Variants in ARIH1 observed in about 807,000 individuals in gnomAD.
ARIH1 encodes ariadne RBR E3 ubiquitin protein ligase 1, also known as E3 ubiquitin-protein ligase ARIH1.
A neutral mutation model predicts 85.0 loss-of-function variants in ARIH1; 8 were observed. The ratio of observed to expected loss-of-function variants is 0.09; its 90% CI spans 0.06 to 0.17. ARIH1 has a LOEUF of 0.17. Ranked by LOEUF, ARIH1 falls within the 10% of genes least tolerant of loss-of-function variation. The pLI, the probability that ARIH1 is intolerant of heterozygous loss-of-function variation, is 1.00. For missense variants in ARIH1, 311 were observed against 718.1 expected, an observed-to-expected ratio of 0.43 and a Z score of 6.48; for synonymous variants, 238 against 253.6, an observed-to-expected ratio of 0.94 and a Z score of 0.59.
intron 5 of ARIH1, among the ~76,000 whole-genome samples, chr15:72,559,944 C>A (rs1214945105): frequency 6.6e-6 from 1 of 152,138 alleles, no homozygotes; most frequent in South Asian, 2.1e-4. Context: ...AACATATGAA[C>A]ATTTGTGTAC....
intron 1 of ARIH1, among the ~76,000 whole-genome samples, chr15:72,475,449 G>C (rs920464474): frequency 6.6e-6 from 1 of 152,234 alleles, no homozygotes; most frequent in African/African-American, 2.4e-5. Flanking sequence ...GAAGGGATTA[G>C]AGTAGGCCTA....
intron 1 of ARIH1, among the ~76,000 whole-genome samples, chr15:72,484,555 A>G (rs769173036): frequency 6.6e-6 from 1 of 152,024 alleles, no homozygotes; most frequent in Non-Finnish European, 1.5e-5. Flanking sequence ...TCTTAGAATA[A>G]TAAGTCTCCA....
intron 8 of ARIH1, 85 bp from the exon 9 acceptor site, chr15:72,567,021 A>T: frequency 1.0e-6 from 1 of 990,346 alleles, no homozygotes; most frequent in Non-Finnish European, 1.5e-6. Flanking sequence ...TTTTACATTT[A>T]AGCTTGACTA....
chr15:72,524,875 T>G (rs1418925326), intron 2 of ARIH1, among the ~76,000 whole-genome samples: 2 of 152,124 alleles, frequency 1.3e-5, no homozygotes, highest in Admixed American at 6.6e-5. Context: ...TCAACGACTC[T>G]TAGTAGGATT....
chr15:72,513,694 TCC>T (rs2063959935), intron 1 of ARIH1, among the ~76,000 whole-genome samples: 1 of 39,670 alleles, frequency 2.5e-5, no homozygotes, highest in Admixed American at 3.0e-4. Context: ...TCTCCCTCCC[TCC>T]CCCTCTCCCT....
Position 72,596,600 on chromosome 15 carries a change from A to G in ARIH1, c.*13308A>G, listed in dbSNP as rs953403953. ...TTACATGTATATTAGATGATTTGAT[A>G]TAAACCTACAGATCTCAGATGATTT... On this transcript the variant is annotated 3_prime_UTR_variant, in exon 14 of 14. Coordinates refer to ENST00000379887, the MANE Select transcript of ARIH1 (RefSeq NM_005744.5). 6.6e-6 allele frequency: 1 copy of G among 152,172 alleles called. No homozygotes were observed. Among genetic ancestry groups the G allele is most frequent in the Non-Finnish European group, 1.5e-5 (1 of 68,036 alleles). The allele number at this position is 152,172 out of a possible 1,614,324, so 9.4% of individuals were successfully genotyped here. A position where few individuals can be genotyped will look rare whatever the true frequency, so the allele number is the denominator to read the frequency against.
intron 10 of ARIH1, among the ~76,000 whole-genome samples, 184 bp downstream of exon 10, chr15:72,570,491 G>A (rs572416390): frequency 1.4e-4 from 21 of 152,250 alleles, no homozygotes; most frequent in African/African-American, 4.8e-4. Flanking sequence ...TCATAAAGGA[G>A]GTAACAATTT....
At chr15:72,477,070 A>G (rs1348538945) in intron 1 of ARIH1, among the ~76,000 whole-genome samples, 1 of 152,164 alleles carries the variant, frequency 6.6e-6, no homozygotes, top group Non-Finnish European at 1.5e-5. Flanking sequence ...GCTGAGTCAA[A>G]AGAATTTGCT....
chr15:72,487,316 A>T (rs1283408118), intron 1 of ARIH1, among the ~76,000 whole-genome samples: 1 of 152,198 alleles, frequency 6.6e-6, no homozygotes, highest in African/African-American at 2.4e-5. Flanking sequence ...TGAAACTGTC[A>T]TACTTATAAC....
At chr15:72,481,231 T>C (rs1421993088) in intron 1 of ARIH1, among the ~76,000 whole-genome samples, 1 of 152,218 alleles carries the variant, frequency 6.6e-6, no homozygotes, top group Non-Finnish European at 1.5e-5. Flanking sequence ...GTCCTATGAA[T>C]CAAACTCTGG....
At position 72,584,266 on chromosome 15, in the gene ARIH1, A is replaced by G. The variant is rs2140441644; in HGVS notation, c.*974A>G. ...GACCTGATTAAGGGGTACAGCAGGG[A>G]GTTTTGTTGCTACAGCTCATGAATT... is the stretch of plus-strand genomic sequence containing the variant. On this transcript the variant is annotated 3_prime_UTR_variant, in exon 14 of 14. Transcript: ENST00000379887. 1 of 152,314 alleles carries G rather than the reference A, an allele frequency of 6.6e-6. No homozygotes were observed. Among genetic ancestry groups the G allele is most frequent in the South Asian group, 2.1e-4 (1 of 4,830 alleles). 9.4% of individuals were successfully genotyped at this position (152,314 alleles called of 1,614,324 possible).
At chr15:72,500,768 A>T (rs1253956016) in intron 1 of ARIH1, among the ~76,000 whole-genome samples, 1 of 152,218 alleles carries the variant, frequency 6.6e-6, no homozygotes, top group East Asian at 1.9e-4. Flanking sequence ...GCATAAAAGT[A>T]AATACTAGAA....
intron 10 of ARIH1, among the ~76,000 whole-genome samples, chr15:72,571,392 T>C (rs755016790): frequency 2.0e-5 from 3 of 152,154 alleles, no homozygotes; most frequent in Non-Finnish European, 4.4e-5. Context: ...GCCAAGTGCA[T>C]GGTATATAGT....
Position 72,595,088 on chromosome 15 carries a change from G to A in ARIH1, c.*11796G>A, listed in dbSNP as rs2064358522. ...TTTTAGCTTTTAATAAGATTATTAT[G>A]TATTTCTCTTTTTATTTTGTTAAGA... On this transcript the variant is annotated 3_prime_UTR_variant, in exon 14 of 14. Transcript: ENST00000379887. 1 of 152,028 alleles carries A rather than the reference G, an allele frequency of 6.6e-6. No individual in the cohort carries two copies. Among genetic ancestry groups the A allele is most frequent in the Admixed American group, 6.6e-5 (1 of 15,258 alleles). 9.4% of individuals were successfully genotyped at this position (152,028 alleles called of 1,614,324 possible). A position where few individuals can be genotyped will look rare whatever the true frequency, so the allele number is the denominator to read the frequency against.
At chr15:72,476,584 C>T (rs1227889300) in intron 1 of ARIH1, among the ~76,000 whole-genome samples, 7 of 151,848 alleles carry the variant, frequency 4.6e-5, no homozygotes, top group Admixed American at 2.0e-4. Context: ...AGGCTGGTTT[C>T]GAACTCCTGA....
chr15:72,583,334 T>C lies in ARIH1; in HGVS notation c.*42T>C. On this transcript the variant is annotated 3_prime_UTR_variant, in exon 14 of 14. Coordinates refer to ENST00000379887, the MANE Select transcript of ARIH1 (RefSeq NM_005744.5). ...AATGAACTCTGAAAACTTTACCATC[T>C]AGAGTGCTCATGCAATTAAAACAAA... 2 of 1,513,206 alleles carry C rather than the reference T, an allele frequency of 1.3e-6. No homozygotes were observed. Among genetic ancestry groups the C allele is most frequent in the African/African-American group, 1.4e-5 (1 of 72,428 alleles). The allele number at this position is 1,513,206 out of a possible 1,614,324, so 93.7% of individuals were successfully genotyped here.
rs2064319533 is a variant in ARIH1 at position 72,586,934 on chromosome 15, GCTGATA to G, written c.*3646_*3651del. 1 of 261,414 alleles carries G rather than the reference GCTGATA, an allele frequency of 3.8e-6. No individual in the cohort carries two copies. Among genetic ancestry groups the G allele is most frequent in the African/African-American group, 2.3e-5 (1 of 42,892 alleles). 16.2% of individuals were successfully genotyped at this position (261,414 alleles called of 1,614,324 possible). A position where few individuals can be genotyped will look rare whatever the true frequency, so the allele number is the denominator to read the frequency against. On this transcript the variant is annotated 3_prime_UTR_variant, in exon 14 of 14. Transcript: ENST00000379887. ...ACTTTCATTTTAGCTCACTCTTAAA[GCTGATA>G]CTGTTATATAGGGATGAAGGGAGAG...
chr15:72,504,093 C>T (rs2063914585), intron 1 of ARIH1, among the ~76,000 whole-genome samples: 1 of 152,180 alleles, frequency 6.6e-6, no homozygotes, highest in Non-Finnish European at 1.5e-5. Flanking sequence ...TCGCCCTTGT[C>T]GCCCAGGCTG....
intron 5 of ARIH1, among the ~76,000 whole-genome samples, chr15:72,556,935 A>G (rs1013141017): frequency 3.3e-5 from 5 of 152,112 alleles, no homozygotes; most frequent in African/African-American, 1.2e-4. Context: ...CATGGTGTCC[A>G]TGTGCCACAT....
Sources: allele counts gnomAD v4.1 joint callset (sites outside exome capture counted in the v4.1 genomes callset), GRCh38; gene constraint gnomAD v4.1.1; transcripts MANE v1.5; gene names NCBI Gene and HGNC (gene_info 2026-07-23, HGNC 2026-07-21).